Variants in TRIM37 observed in about 807,000 individuals in gnomAD.
TRIM37 encodes the protein tripartite motif containing 37.
Under a neutral mutation model 129.8 loss-of-function variants are expected in TRIM37, and 80 were observed. The observed-to-expected ratio is 0.62, with a 90% confidence interval of 0.51 to 0.74. The LOEUF is 0.74. Among genes scored for constraint, TRIM37 ranks in the 30% least tolerant of loss-of-function variants. The pLI is 0.00. For missense variants in TRIM37, 1,054 were observed against 1,176.5 expected (o/e 0.90, Z 1.52); for synonymous variants, 389 against 387.1 (o/e 1.00, Z -0.06).
intron 2 of TRIM37, among the ~76,000 whole-genome samples, chr17:59,091,568 A>AT (rs1555695366): frequency 4.4e-5 from 3 of 67,416 alleles, no homozygotes; most frequent in East Asian, 6.0e-4. Flanking sequence ...TTATATATAT[A>AT]ATATATATAA....
chr17:59,103,650 GT>G (rs768853417), intron 2 of TRIM37, among the ~76,000 whole-genome samples: 121 of 118,954 alleles, frequency 1.0e-3, no homozygotes, highest in South Asian at 8.1e-3. Flanking sequence ...CAACATTCAA[GT>G]TTTTTTTTTT....
rs905269944 is a variant in TRIM37, at chr17:59,041,816, C to T, written c.1750G>A (p.Ala584Thr). The T allele has an allele frequency of 4.3e-6, 7 of 1,612,530 alleles. No individual in the cohort carries two copies. Among genetic ancestry groups the T allele is most frequent in the South Asian group, 1.1e-5 (1 of 91,066 alleles). The change falls in exon 17 of 24, where the codon GCA (alanine) becomes ACA (threonine). Residue 584 changes from alanine to threonine, a missense_variant. Around this residue, in one of 3 missense-constraint regions of TRIM37, gnomAD observed 752 missense variants for 870.8 expected, o/e 0.86. Transcript: ENST00000262294. Reference protein sequence around the residue: ...LMEDAAAAGPAGSSHGYVGSS... With the variant: ...LMEDAAAAGPTGSSHGYVGSS... ...GGCAGTGGAGTGACCTCATTACCTG[C>T]GGGTCCTGCAGCAGCTGCATCTTCC...
intron 5 of TRIM37, among the ~76,000 whole-genome samples, chr17:59,081,953 T>A (rs71375106): frequency 0.059 from 6,598 of 111,618 alleles, 175 homozygotes; most frequent in African/African-American, 0.07. Flanking sequence ...AAAAAAAAAA[T>A]AAAAAAAAAA....
At chr17:59,031,777 C>T (rs186129147) in intron 18 of TRIM37, 119 bp downstream of exon 18, 3 of 1,001,030 alleles carry the variant, frequency 3.0e-6, no homozygotes, top group Admixed American at 2.6e-5. Flanking sequence ...TTATGGTATA[C>T]AATGAAAAAC....
At chr17:59,087,203 C>T (rs1031139357) in intron 4 of TRIM37, among the ~76,000 whole-genome samples, 3 of 152,086 alleles carry the variant, frequency 2.0e-5, no homozygotes, top group Non-Finnish European at 4.4e-5. Context: ...TCAAGCGATT[C>T]TCCTGCCTCA....
In TRIM37 at chr17:58,999,066, A is replaced by T. The variant is rs1290927376; in HGVS notation, c.*311T>A. 1.8e-5 allele frequency: 21 copies of T among 1,181,160 alleles called. No homozygotes were observed. Among genetic ancestry groups the T allele is most frequent in the Non-Finnish European group, 2.1e-5 (20 of 947,560 alleles). The allele number at this position is 1,181,160 out of a possible 1,614,324, so 73.2% of individuals were successfully genotyped here. On this transcript the variant is annotated 3_prime_UTR_variant, in exon 24 of 24. Coordinates refer to ENST00000262294, the MANE Select transcript of TRIM37 (RefSeq NM_015294.6). ...AGGGCCTGGAGGTACATTTTCTGGC[A>T]GTTAACCAGCCTTCTGCTGTAGTAG...
At chr17:58,995,204 A>AG (rs2032866972), downstream of TRIM37, among the ~76,000 whole-genome samples, 1 of 152,188 alleles carries the variant, frequency 6.6e-6, no homozygotes, top group Non-Finnish European at 1.5e-5. Context: ...GTGCACCACC[A>AG]CACCCAGCCA....
At chr17:59,021,758 T>C in intron 19 of TRIM37, among the ~76,000 whole-genome samples, 1 of 152,034 alleles carries the variant, frequency 6.6e-6, no homozygotes, top group East Asian at 1.9e-4. Flanking sequence ...TGAAAATAAC[T>C]AAAAGAGTAC....
rs770703421 is a variant in TRIM37 at position 59,081,137 on chromosome 17, C to T, written c.452G>A (p.Arg151His). The change falls in exon 6 of 24, where the codon CGT becomes CAT. Residue 151 changes from arginine (R) to histidine (H), a missense_variant. Arg to His is a conservative substitution (Grantham distance 29, BLOSUM62 0). Coordinates refer to ENST00000262294, the MANE Select transcript of TRIM37 (RefSeq NM_015294.6). ...TKVNEEVAKL[R>H]RRLMELISLV... ...GCTGATCAGTTCCATGAGACGCCGA[C>T]GAAGTTTGGCTACCTCTTCATTCAC... The T allele has an allele frequency of 1.4e-5, 22 of 1,613,622 alleles. No individual in the cohort carries two copies. Among genetic ancestry groups the T allele is most frequent in the Non-Finnish European group, 1.3e-5 (15 of 1,179,838 alleles).
Position 58,999,467 on chromosome 17 carries a change from T to TA in TRIM37, c.2813-9dup, listed in dbSNP as rs1235669087. On this transcript the variant is annotated splice_polypyrimidine_tract_variant and intron_variant, in intron 23 of 23. Coordinates refer to ENST00000262294, the MANE Select transcript of TRIM37 (RefSeq NM_015294.6). The stretch of plus-strand genomic sequence containing the variant: ...GAAAACTGGAATGTGTATCTATGAT[T>TA]AAAAAATAAATAAAAAATTTAAAAT... 1.9e-6 allele frequency: 3 copies of TA among 1,599,624 alleles called. No individual in the cohort carries two copies. The highest frequency in any genetic ancestry group is 1.3e-5 in the African/African-American group (1 of 74,404).
At position 59,032,037 on chromosome 17, in the gene TRIM37, AATGTGTTCTT is replaced by A; in HGVS notation, c.1797_1806del (p.Arg599SerfsTer11). 6.2e-7 allele frequency: 1 copy of A among 1,614,176 alleles called. No homozygotes were observed. The highest frequency in any genetic ancestry group is 1.1e-5 in the South Asian group (1 of 91,082). ...AAACTACTGGTAGCAGCGGAGCATA[AATGTGTTCTT>A]CTTGATATTCTACTACTGGAACCCA... On this transcript the variant is annotated frameshift_variant, in exon 18 of 24. Transcript: ENST00000262294. LOFTEE classifies it high-confidence loss of function.
At chr17:58,984,932 A>G (rs1260711960) in intron 24 of TRIM37, 1 of 152,666 alleles carries the variant, frequency 6.6e-6, no homozygotes, top group Non-Finnish European at 1.5e-5. Flanking sequence ...CTCTTTGGTG[A>G]GAGACAGGCT....
At chr17:58,982,963 C>T (rs763037892) in intron 24 of TRIM37, 4 of 1,535,632 alleles carry the variant, frequency 2.6e-6, no homozygotes, top group Non-Finnish European at 3.5e-6. Context: ...TATTGGTACA[C>T]ATTATAGTCC....
downstream of TRIM37, chr17:58,979,900 C>A: frequency 8.6e-7 from 1 of 1,156,208 alleles, no homozygotes; most frequent in Non-Finnish European, 1.2e-6. Context: ...AGAGTCATGG[C>A]ATTGGTCATA....
chr17:59,041,966 A>C, intron 16 of TRIM37, 68 bp from the exon 17 acceptor site: 2 of 1,053,232 alleles, frequency 1.9e-6, no homozygotes, highest in Non-Finnish European at 1.5e-6. Context: ...ACACCTCAAT[A>C]AATTTTATGA....
chr17:59,012,215 C>CCAGCAGCAG (rs749441889), intron 22 of TRIM37, 113 bp downstream of exon 22: 35 of 567,556 alleles, frequency 6.2e-5, no homozygotes, highest in African/African-American at 2.0e-4. Flanking sequence ...ATCACTACCA[C>CCAGCAGCAG]CAGCAGCAGC....
chr17:59,048,660 A>C (rs2040049800), intron 15 of TRIM37, among the ~76,000 whole-genome samples: 1 of 151,960 alleles, frequency 6.6e-6, no homozygotes, highest in Admixed American at 6.6e-5. Context: ...GCAGTGGCAC[A>C]ATCTTGGCTC....
intron 2 of TRIM37, among the ~76,000 whole-genome samples, chr17:59,098,864 A>C (rs975949087): frequency 6.6e-6 from 1 of 152,122 alleles, no homozygotes; most frequent in Admixed American, 6.5e-5. Flanking sequence ...AAGTGAAAAC[A>C]ACCCAAGTGT....
chr17:59,074,693 C>T (rs551833531), intron 8 of TRIM37, among the ~76,000 whole-genome samples: 1 of 152,058 alleles, frequency 6.6e-6, no homozygotes, highest in South Asian at 2.1e-4. Flanking sequence ...AAGGGAATTC[C>T]CAGAATGATT....
Sources: allele counts gnomAD v4.1 joint callset (sites outside exome capture counted in the v4.1 genomes callset), GRCh38; gene constraint gnomAD v4.1.1; regional missense constraint gnomAD v4.1.1; transcripts MANE v1.5; gene names NCBI Gene and HGNC (gene_info 2026-07-23, HGNC 2026-07-21).